The following LHX8 variants were observed in gnomAD, a reference collection of about 807,000 sequenced individuals.
LHX8 encodes LIM homeobox 8.
A neutral mutation model predicts 40.3 loss-of-function variants in LHX8; 12 were observed. The ratio of observed to expected loss-of-function variants is 0.30; its 90% confidence interval spans 0.19 to 0.48. The LOEUF (loss-of-function observed/expected upper bound fraction) is 0.48. LHX8 is among the 20% of genes least tolerant of loss of function. LHX8 has a pLI of 0.99. For synonymous variants in LHX8, 179 were observed against 162.0 expected (o/e 1.10, Z -0.80); for missense variants, 344 against 433.7 (o/e 0.79, Z 1.84).
chr1:75,198,223 C>A, the LHX8 span, among the ~76,000 whole-genome samples: 2 of 152,166 alleles, frequency 1.3e-5, no homozygotes, highest in Admixed American at 6.6e-5. Context: ...TCACCTATAT[C>A]TTCTCATTTA....
the LHX8 span, among the ~76,000 whole-genome samples, chr1:75,191,988 G>GA: frequency 9.3e-4 from 140 of 151,186 alleles, no homozygotes; most frequent in African/African-American, 3.0e-3. Flanking sequence ...CTTCTAAGAA[G>GA]AAAAAAAAAT....
chr1:75,178,115 G>T, the LHX8 span, among the ~76,000 whole-genome samples: 1 of 152,144 alleles, frequency 6.6e-6, no homozygotes, highest in Non-Finnish European at 1.5e-5. Flanking sequence ...ATGTTCATCA[G>T]GGATATTGGT....
At chr1:75,141,884 C>T (rs1167832714) in intron 4 of LHX8, among the ~76,000 whole-genome samples, 1 of 152,062 alleles carries the variant, frequency 6.6e-6, no homozygotes, top group Non-Finnish European at 1.5e-5. Flanking sequence ...ATAATAAAGG[C>T]TGTAATACTA....
chr1:75,199,048 T>C, the LHX8 span, among the ~76,000 whole-genome samples: 1 of 152,236 alleles, frequency 6.6e-6, no homozygotes, highest in African/African-American at 2.4e-5. Context: ...CAAATAAGCA[T>C]GTGATTAGTT....
upstream of LHX8, chr1:75,131,752 A>C (rs1040702559): frequency 1.3e-5 from 2 of 152,256 alleles, no homozygotes; most frequent in African/African-American, 4.8e-5. Flanking sequence ...AGATACACTC[A>C]AGGCTTCCCT....
At chr1:75,139,446 AAAAAC>A (rs1324643145) in intron 3 of LHX8, among the ~76,000 whole-genome samples, 1 of 152,170 alleles carries the variant, frequency 6.6e-6, no homozygotes, top group Non-Finnish European at 1.5e-5. Context: ...GCCTAGCTTT[AAAAAC>A]AAAACAAAAC....
the LHX8 span, among the ~76,000 whole-genome samples, chr1:75,180,474 G>C: frequency 6.6e-6 from 1 of 151,992 alleles, no homozygotes; most frequent in African/African-American, 2.4e-5. Context: ...TCTTCCACTT[G>C]ATTGAATCAG....
At chr1:75,167,013 G>T in the LHX8 span, among the ~76,000 whole-genome samples, 1 of 152,222 alleles carries the variant, frequency 6.6e-6, no homozygotes, top group Non-Finnish European at 1.5e-5. Context: ...AGGCAGAGTT[G>T]CAGCCTCTGT....
At chr1:75,153,679 G>GGCT (rs1648676445) in intron 7 of LHX8, among the ~76,000 whole-genome samples, 1 of 152,194 alleles carries the variant, frequency 6.6e-6, no homozygotes, top group Non-Finnish European at 1.5e-5. Flanking sequence ...AAAGTGCTGG[G>GGCT]ACTACAGGTG....
chr1:75,188,541 T>C, the LHX8 span, among the ~76,000 whole-genome samples: 17 of 152,304 alleles, frequency 1.1e-4, no homozygotes, highest in African/African-American at 4.1e-4. Context: ...CACAGTTCTC[T>C]CTCTTGGGCT....
chr1:75,133,605 A>G (rs1219687861), upstream of LHX8, among the ~76,000 whole-genome samples: 1 of 152,200 alleles, frequency 6.6e-6, no homozygotes, highest in African/African-American at 2.4e-5. Context: ...ATTTGTCTTT[A>G]TACACTAAAT....
At chr1:75,147,823 A>T (rs1267978692) in intron 6 of LHX8, among the ~76,000 whole-genome samples, 4 of 151,926 alleles carry the variant, frequency 2.6e-5, no homozygotes, top group Admixed American at 6.6e-5. Context: ...ATATTCTGGT[A>T]CTCTCTCCCA....
chr1:75,155,295 C>T (rs1027141767), intron 7 of LHX8, among the ~76,000 whole-genome samples: 2 of 129,730 alleles, frequency 1.5e-5, no homozygotes, highest in Non-Finnish European at 3.1e-5. Context: ...AGTGCAGTGG[C>T]ATGATCTTGG....
At chr1:75,139,748 A>G (rs957593971) in intron 3 of LHX8, among the ~76,000 whole-genome samples, 8 of 152,200 alleles carry the variant, frequency 5.3e-5, no homozygotes, top group African/African-American at 1.9e-4. Flanking sequence ...TGAGACTCTC[A>G]TTAATGCTTT....
At chr1:75,173,725 AT>A in the LHX8 span, among the ~76,000 whole-genome samples, 4 of 152,068 alleles carry the variant, frequency 2.6e-5, no homozygotes, top group African/African-American at 9.7e-5. Flanking sequence ...ATCTCCAAAA[AT>A]CTAAGGTGTA....
chr1:75,169,160 T>TCTCCCCTA, the LHX8 span, among the ~76,000 whole-genome samples: 1 of 151,998 alleles, frequency 6.6e-6, no homozygotes, highest in African/African-American at 2.4e-5. Context: ...TCTCCTACCC[T>TCTCCCCTA]CTCCCCTACT....
the LHX8 span, among the ~76,000 whole-genome samples, chr1:75,183,688 A>T: frequency 1.4e-4 from 21 of 152,196 alleles, no homozygotes; most frequent in Non-Finnish European, 1.9e-4. Flanking sequence ...AAGTGAACAG[A>T]CCAGTGACAC....
At chr1:75,185,641 AG>A in the LHX8 span, among the ~76,000 whole-genome samples, 1 of 152,334 alleles carries the variant, frequency 6.6e-6, no homozygotes, top group South Asian at 2.1e-4. Flanking sequence ...GTGCAAGACA[AG>A]TATGCCCTCT....
intron 7 of LHX8, among the ~76,000 whole-genome samples, chr1:75,154,324 G>C (rs1274634866): frequency 2.6e-5 from 4 of 151,430 alleles, no homozygotes; most frequent in African/African-American, 9.7e-5. Flanking sequence ...CCAAGAAGCT[G>C]CTTAACAAGA....
Sources: gnomAD v4.1 joint callset for allele counts (sites outside exome capture counted in the v4.1 genomes callset) on GRCh38, gnomAD v4.1.1 for gene constraint, MANE v1.5 for transcripts, NCBI Gene and HGNC (gene_info 2026-07-23, HGNC 2026-07-21) for gene names.